DIP2A: variants seen among roughly 807,000 people sequenced by gnomAD.
DIP2A encodes DIP2 acetate--CoA ligase A, also known as disco-interacting protein 2 homolog A.
DIP2A carries 85 observed loss-of-function variants against 177.4 expected under a neutral mutation model. The ratio of observed to expected loss-of-function variants is 0.48; its 90% CI spans 0.40 to 0.57. DIP2A has a LOEUF of 0.57. DIP2A is among the 20% of genes least tolerant of loss of function. DIP2A has a pLI of 0.00. For synonymous variants in DIP2A, 886 were observed against 881.8 expected (o/e 1.00, Z -0.08); for missense variants, 1,791 against 2,100.2 (o/e 0.85, Z 2.88).
At chr21:46,523,536 C>T (rs1696189908) in intron 8 of DIP2A, among the ~76,000 whole-genome samples, 1 of 151,810 alleles carries the variant, frequency 6.6e-6, no homozygotes. Flanking sequence ...TGAGCCACTG[C>T]ACCTGGCCCA....
chr21:46,477,624 A>G (rs1453098620), intron 1 of DIP2A, among the ~76,000 whole-genome samples: 1 of 132,048 alleles, frequency 7.6e-6, no homozygotes, highest in Non-Finnish European at 1.6e-5. Context: ...CCCAGGCTGG[A>G]GTACAGTGCC....
At chr21:46,547,445 C>T (rs1196194263) in intron 21 of DIP2A, among the ~76,000 whole-genome samples, 2 of 152,066 alleles carry the variant, frequency 1.3e-5, no homozygotes, top group Non-Finnish European at 2.9e-5. Context: ...GAATAAAAAT[C>T]AACTCAACTT....
chr21:46,496,544 A>G (rs1424765318), intron 3 of DIP2A, among the ~76,000 whole-genome samples: 1 of 152,224 alleles, frequency 6.6e-6, no homozygotes, highest in African/African-American at 2.4e-5. Context: ...CATAAAATAC[A>G]CTAACACTAA....
chr21:46,572,975 A>AGGTGTGT (rs1219131716), downstream of DIP2A, among the ~76,000 whole-genome samples: 2 of 152,200 alleles, frequency 1.3e-5, no homozygotes, highest in Non-Finnish European at 2.9e-5. Context: ...CATATAGCCT[A>AGGTGTGT]GGTGTGTTGT....
At chr21:46,517,948 C>T (rs2058660183) in intron 8 of DIP2A, among the ~76,000 whole-genome samples, 1 of 152,220 alleles carries the variant, frequency 6.6e-6, no homozygotes, top group Non-Finnish European at 1.5e-5. Context: ...CAACTTGCTG[C>T]CTCCAAAAGA....
intron 8 of DIP2A, among the ~76,000 whole-genome samples, chr21:46,517,011 G>A (rs1428733909): frequency 7.0e-6 from 1 of 142,682 alleles, no homozygotes; most frequent in African/African-American, 2.6e-5. Context: ...ACCAATATCT[G>A]TATCACCTTT....
chr21:46,492,917 G>GA (rs1464697446), intron 3 of DIP2A, among the ~76,000 whole-genome samples: 1 of 144,248 alleles, frequency 6.9e-6, no homozygotes, highest in African/African-American at 2.5e-5. Context: ...TCCAGCCTGA[G>GA]TGAGACTCTG....
At chr21:46,496,913 A>C in intron 3 of DIP2A, 75 bp from the exon 4 acceptor site, 1 of 1,452,704 alleles carries the variant, frequency 6.9e-7, no homozygotes, top group Non-Finnish European at 9.1e-7. Context: ...AAAACAAACA[A>C]AAACATGAAA....
At chr21:46,497,862 A>G (rs1011721709) in intron 4 of DIP2A, among the ~76,000 whole-genome samples, 1 of 152,238 alleles carries the variant, frequency 6.6e-6, no homozygotes, top group Non-Finnish European at 1.5e-5. Flanking sequence ...AATCTTAGAA[A>G]TGGCTGTCAA....
Position 46,498,682 on chromosome 21 carries a change from C to A in DIP2A, c.504C>A (p.Asp168Glu). ...QSHSSVEPWLDRVIQGSSTSS... is the reference protein window; with the variant it reads ...QSHSSVEPWLERVIQGSSTSS... ...ATTCCAGCGTCGAGCCCTGGCTCGACCGGGTCATTCAGGGCTCGTCCACCT... is the reference window on the plus strand; with the variant it reads ...ATTCCAGCGTCGAGCCCTGGCTCGAACGGGTCATTCAGGGCTCGTCCACCT... Residue 168 changes from aspartate to glutamate, a missense_variant, in exon 5 of 38, where the codon GAC (aspartate) becomes GAA (glutamate). Asp to Glu is a conservative substitution (Grantham distance 45). Coordinates refer to ENST00000417564, the MANE Select transcript of DIP2A (RefSeq NM_015151.4). This position sits in a 1 kb window ranked among gnomAD's most constrained non-coding sequence, Gnocchi z 4.3. 6.2e-7 allele frequency: 1 copy of A among 1,613,824 alleles called. No individual in the cohort carries two copies. Among genetic ancestry groups the A allele is most frequent in the Non-Finnish European group, 8.5e-7 (1 of 1,179,872 alleles).
At chr21:46,505,374 T>C (rs8129188) in intron 6 of DIP2A, among the ~76,000 whole-genome samples, 126,522 of 152,092 alleles carry the variant, frequency 0.83, 52,967 homozygotes, top group African/African-American at 0.92. Context: ...TTTGGGAGGC[T>C]GAGGCGGGCA....
chr21:46,546,232 TGTGAGTA>T, intron 20 of DIP2A: 3 of 1,278,372 alleles, frequency 2.3e-6, no homozygotes, highest in Non-Finnish European at 2.0e-6. Context: ...GTGGCAGGTT[TGTGAGTA>T]TTCATTATAT....
intron 28 of DIP2A, 148 bp from the exon 29 acceptor site, chr21:46,555,834 C>G: frequency 2.9e-6 from 2 of 699,064 alleles, no homozygotes; most frequent in South Asian, 3.1e-5. Flanking sequence ...CACGCACAGC[C>G]TGCATCGTCA....
At chr21:46,474,063 T>C (rs1302674403) in intron 1 of DIP2A, among the ~76,000 whole-genome samples, 2 of 152,124 alleles carry the variant, frequency 1.3e-5, no homozygotes, top group African/African-American at 4.8e-5. Context: ...GGGCAAGAGA[T>C]TTTGCTGGTC....
intron 8 of DIP2A, among the ~76,000 whole-genome samples, chr21:46,522,318 GATTTTCC>G (rs1270097140): frequency 6.6e-6 from 1 of 152,216 alleles, no homozygotes; most frequent in Non-Finnish European, 1.5e-5. Flanking sequence ...GGAGACGTAA[GATTTTCC>G]ATTTTCCAGT....
In DIP2A at chr21:46,556,843, T is replaced by C. The variant is rs571821370; in HGVS notation, c.3499-96T>C. ...TATGATGTTTGGTAGTTCGGAGCTATGGTCTAGCCATGTGAACAGCGGACA... is the reference window on the plus strand; with the variant it reads ...TATGATGTTTGGTAGTTCGGAGCTACGGTCTAGCCATGTGAACAGCGGACA... On this transcript the variant is annotated intron_variant, in intron 29 of 37. Transcript: ENST00000417564. This position sits in a 1 kb window ranked among gnomAD's most constrained non-coding sequence, Gnocchi z 4.5. 463 of 1,115,054 alleles carry C rather than the reference T, an allele frequency of 4.2e-4. 1 individual carries two copies. Among genetic ancestry groups the C allele is most frequent in the Admixed American group, 5.6e-4 (21 of 37,458 alleles). 69.1% of individuals were successfully genotyped at this position (1,115,054 alleles called of 1,614,324 possible).
At chr21:46,572,506 GATT>G (rs2060975665), downstream of DIP2A, among the ~76,000 whole-genome samples, 1 of 152,140 alleles carries the variant, frequency 6.6e-6, no homozygotes, top group African/African-American at 2.4e-5. Flanking sequence ...GAGGTGATTG[GATT>G]AATCTATTCA....
At chr21:46,558,879 A>T (rs1484343509) in intron 32 of DIP2A, 7 of 201,598 alleles carry the variant, frequency 3.5e-5, no homozygotes, top group Admixed American at 5.6e-5. Flanking sequence ...CAGGCGGATT[A>T]CCTGAGGTCA....
At chr21:46,554,085 C>A in intron 25 of DIP2A, 84 bp from the exon 26 acceptor site, 1 of 1,502,144 alleles carries the variant, frequency 6.7e-7, no homozygotes, top group Non-Finnish European at 9.0e-7. Context: ...TGTGCAGTGG[C>A]GTGCAGGTGG....
Sources: gnomAD v4.1 joint callset for allele counts (sites outside exome capture counted in the v4.1 genomes callset) on GRCh38, gnomAD v4.1.1 for gene constraint, Gnocchi (gnomAD v3.1) non-coding constraint, MANE v1.5 for transcripts, NCBI Gene and HGNC (gene_info 2026-07-23, HGNC 2026-07-21) for gene names.